Variants in CBLIF observed in about 807,000 individuals in gnomAD.
CBLIF encodes gastric intrinsic factor (vitamin B synthesis).
CBLIF carries 24 observed loss-of-function variants against 44.9 expected under a neutral mutation model. That is an observed-to-expected ratio of 0.53 (90% CI 0.39 to 0.75). The LOEUF is 0.75. Among genes scored for constraint, CBLIF ranks in the 30% least tolerant of loss-of-function variants. CBLIF has a pLI of 0.00. For missense variants in CBLIF, 481 were observed against 513.0 expected (o/e 0.94, Z 0.60); for synonymous variants, 183 against 190.9 (o/e 0.96, Z 0.34).
chr11:59,842,870 C>A, intron 3 of CBLIF, 158 bp downstream of exon 3: 1 of 676,450 alleles, frequency 1.5e-6, no homozygotes. Context: ...GGAAATGAAT[C>A]TTTCTGGTCT....
At chr11:59,842,323 G>A (rs780397631) in intron 4 of CBLIF, 120 bp downstream of exon 4, 23 of 1,120,050 alleles carry the variant, frequency 2.1e-5, no homozygotes, top group Admixed American at 5.1e-5. Context: ...CCACAGGCAC[G>A]TTCACATCCT....
intron 8 of CBLIF, among the ~76,000 whole-genome samples, chr11:59,829,793 G>A (rs759033704): frequency 2.6e-5 from 4 of 152,170 alleles, no homozygotes; most frequent in Admixed American, 6.5e-5. Context: ...TAAGATGCGC[G>A]AGTCTCTTTT....
At chr11:59,833,539 T>A (rs1355239517) in intron 7 of CBLIF, among the ~76,000 whole-genome samples, 1 of 150,322 alleles carries the variant, frequency 6.7e-6, no homozygotes, top group East Asian at 2.0e-4. Flanking sequence ...AAAAATTAAA[T>A]AGTTTTGAAG....
intron 7 of CBLIF, among the ~76,000 whole-genome samples, chr11:59,835,551 C>T (rs552933726): frequency 8.7e-4 from 132 of 152,316 alleles, no homozygotes; most frequent in African/African-American, 3.1e-3. Flanking sequence ...GCTACAAAGT[C>T]TCTTTTGCCT....
rs758436528 is a variant in CBLIF, at chr11:59,843,891, T to C, written c.244A>G (p.Ser82Gly). 1 of 1,613,194 alleles carries C rather than the reference T, an allele frequency of 6.2e-7. No individual in the cohort carries two copies. Among genetic ancestry groups the C allele is most frequent in the South Asian group, 1.1e-5 (1 of 91,054 alleles). Residue 82 changes from serine (S) to glycine (G), a missense_variant, in exon 2 of 9, where the codon AGC becomes GGC. Transcript: ENST00000257248. ...QKLLTYQLMS[S>G]DNNDLTIGQL... ...TCAGATGTCTCACCGTTGTTGTCGC[T>C]GGACATGAGCTGGTAAGTCAGGAGC...
rs776846358 is a variant in CBLIF at position 59,842,427 on chromosome 11, G to A, written c.511+16C>T. 6.2e-7 allele frequency: 1 copy of A among 1,613,122 alleles called. No individual in the cohort carries two copies. The highest frequency in any genetic ancestry group is 1.7e-5 in the Admixed American group (1 of 60,024). On this transcript the variant is annotated intron_variant, in intron 4 of 8. Transcript: ENST00000257248. ...CCTCTGATGTTCCCAGCTCGGGGTA[G>A]TGGTGACCTACTCACCTACATTGAA...
rs1351392092 is a variant in CBLIF at position 59,829,554 on chromosome 11, A to C, written c.1193-9T>G. On this transcript the variant is annotated splice_polypyrimidine_tract_variant and intron_variant, in intron 8 of 8. Coordinates refer to ENST00000257248, the MANE Select transcript of CBLIF (RefSeq NM_005142.3). ...TATGTAGTCAGCAACCCCTGGAAAT[A>C]AGCAGAGAATAACATGAGGTGACTG... The C allele has an allele frequency of 6.3e-7, 1 of 1,590,932 alleles. No homozygotes were observed. The highest frequency in any genetic ancestry group is 8.6e-7 in the Non-Finnish European group (1 of 1,158,982).
rs1866388494 is a variant in CBLIF at position 59,832,643 on chromosome 11, C to G, written c.1074-847G>C. Among the ~76,000 whole-genome samples, 4 of 151,724 alleles carry G rather than the reference C, an allele frequency of 2.6e-5. No individual in the cohort carries two copies. In the South Asian group the frequency reaches 8.3e-4, roughly 31 times the overall value. ...TCTCTAACAAAAATACAAAAATTAG[C>G]CAGTCTCATAACCTGATCTCAAAAT... On this transcript the variant is annotated intron_variant, in intron 7 of 8. Coordinates refer to ENST00000257248, the MANE Select transcript of CBLIF (RefSeq NM_005142.3).
intron 5 of CBLIF, 40 bp from the exon 6 acceptor site, chr11:59,837,391 G>C (rs373644476): frequency 7.5e-6 from 11 of 1,472,526 alleles, no homozygotes; most frequent in South Asian, 1.1e-5. Context: ...GAGTAATTAG[G>C]CATAGCTGAG....
In CBLIF at chr11:59,829,412, AT is replaced by A; in HGVS notation, c.*71del. On this transcript the variant is annotated 3_prime_UTR_variant, in exon 9 of 9. Coordinates refer to ENST00000257248, the MANE Select transcript of CBLIF (RefSeq NM_005142.3). ...CACAGGCATTCGCTTTTTTGCATAG[AT>A]TTAAAATGAAGTGGAAAAAATTTCA... The A allele has an allele frequency of 1.1e-6, 1 of 944,792 alleles. No individual in the cohort carries two copies. Among genetic ancestry groups the A allele is most frequent in the Non-Finnish European group, 1.8e-6 (1 of 570,618 alleles). 58.5% of individuals were successfully genotyped at this position (944,792 alleles called of 1,614,324 possible).
chr11:59,845,348 ACCT>A (rs973377889), intron 1 of CBLIF, 24 bp downstream of exon 1: 5 of 1,608,352 alleles, frequency 3.1e-6, no homozygotes, highest in Non-Finnish European at 4.3e-6. Flanking sequence ...TGCTTCCCTG[ACCT>A]CCTTGGAAAA....
intron 3 of CBLIF, chr11:59,842,815 G>A (rs1285067449): frequency 3.1e-6 from 2 of 643,296 alleles, no homozygotes; most frequent in Non-Finnish European, 5.5e-6. Context: ...GGCTGGACAA[G>A]CTTGTGTCCT....
At chr11:59,841,373 TA>T in intron 4 of CBLIF, 49 bp from the exon 5 acceptor site, 1 of 1,222,846 alleles carries the variant, frequency 8.2e-7, no homozygotes. Flanking sequence ...ATCACAGCAA[TA>T]TGAACAGCTA....
intron 1 of CBLIF, 191 bp downstream of exon 1, chr11:59,845,184 A>T (rs79819581): frequency 5.4e-6 from 4 of 737,100 alleles, no homozygotes; most frequent in Non-Finnish European, 9.0e-6. Context: ...AATAAAAAAC[A>T]TATAGACTTG....
Position 59,841,246 on chromosome 11 carries a change from G to C in CBLIF, c.590C>G (p.Ser197Cys). The C allele has an allele frequency of 6.2e-7, 1 of 1,612,916 alleles. No individual in the cohort carries two copies. Among genetic ancestry groups the C allele is most frequent in the South Asian group, 1.1e-5 (1 of 91,062 alleles). Residue 197 changes from serine to cysteine, a missense_variant, in exon 5 of 9, where the codon TCC becomes TGC. Coordinates refer to ENST00000257248, the MANE Select transcript of CBLIF (RefSeq NM_005142.3). ...IPVGSEEGYRSLFGQVLKDIV... is the reference protein window; with the variant it reads ...IPVGSEEGYRCLFGQVLKDIV... ...ATCCTTTAGTACCTGACCAAACAGG[G>C]ATCTGTAACCTTCCTCTGAACCTAC...
chr11:59,830,087 C>T (rs1187746852), intron 8 of CBLIF, among the ~76,000 whole-genome samples: 1 of 152,130 alleles, frequency 6.6e-6, no homozygotes, highest in East Asian at 1.9e-4. Context: ...TGTTACCTTT[C>T]AGGTAGCTGG....
In CBLIF at chr11:59,829,415, TAA is replaced by T. The variant is rs1471966671; in HGVS notation, c.*67_*68del. 5 of 978,814 alleles carry T rather than the reference TAA, an allele frequency of 5.1e-6. No individual in the cohort carries two copies. In the East Asian group the frequency reaches 9.5e-5, roughly 19 times the overall value. The allele number at this position is 978,814 out of a possible 1,614,324, so 60.6% of individuals were successfully genotyped here. ...AGGCATTCGCTTTTTTGCATAGATT[TAA>T]AATGAAGTGGAAAAAATTTCACCCA... On this transcript the variant is annotated 3_prime_UTR_variant, in exon 9 of 9. Coordinates refer to ENST00000257248, the MANE Select transcript of CBLIF (RefSeq NM_005142.3).
chr11:59,841,343 A>G lies in CBLIF; in HGVS notation c.512-19T>C, dbSNP rs1196281325. 1 of 1,572,682 alleles carries G rather than the reference A, an allele frequency of 6.4e-7. No homozygotes were observed. On this transcript the variant is annotated intron_variant, in intron 4 of 8. Transcript: ENST00000257248. ...CCTGTGTCTGTGAATGACAGAGGGT[A>G]TAAGATCACCATAGTCACCATCACA...
intron 7 of CBLIF, among the ~76,000 whole-genome samples, 195 bp from the exon 8 acceptor site, chr11:59,831,991 G>T (rs754076660): frequency 6.6e-6 from 1 of 152,090 alleles, no homozygotes; most frequent in Non-Finnish European, 1.5e-5. Context: ...GCATCCACCC[G>T]CCAGGATAGA....
Sources: allele counts gnomAD v4.1 joint callset (sites outside exome capture counted in the v4.1 genomes callset), GRCh38; gene constraint gnomAD v4.1.1; transcripts MANE v1.5; gene names NCBI Gene and HGNC (gene_info 2026-07-23, HGNC 2026-07-21).